The following ZFAT variants were observed in gnomAD, a reference collection of about 807,000 sequenced individuals.
The protein encoded by ZFAT is zinc finger and AT-hook domain containing, also known as zinc finger protein ZFAT.
In ZFAT, 64 loss-of-function variants were observed where a neutral mutation model predicts 117.7. The ratio of observed to expected loss-of-function variants is 0.54; its 90% CI spans 0.44 to 0.67. The LOEUF (loss-of-function observed/expected upper bound fraction) is 0.67, where lower values mean the gene tolerates loss of function less well. Among genes scored for constraint, ZFAT ranks in the 30% least tolerant of loss-of-function variants. The pLI is 0.00. For synonymous variants in ZFAT, 679 were observed against 615.0 expected (o/e 1.10, Z -1.54); for missense variants, 1,433 against 1,584.5 (o/e 0.90, Z 1.62).
intron 12 of ZFAT, among the ~76,000 whole-genome samples, chr8:134,525,175 T>G (rs1820935065): frequency 6.6e-6 from 1 of 152,196 alleles, no homozygotes; most frequent in Non-Finnish European, 1.5e-5. Context: ...CACCACTCAC[T>G]CCTGGTTCTT....
At chr8:134,826,464 A>C in the ZFAT span, among the ~76,000 whole-genome samples, 1 of 152,246 alleles carries the variant, frequency 6.6e-6, no homozygotes, top group African/African-American at 2.4e-5. Flanking sequence ...AAAACAATCA[A>C]AACAATACCA....
intron 3 of ZFAT, among the ~76,000 whole-genome samples, chr8:134,636,369 G>A (rs367605642): frequency 7.2e-5 from 11 of 152,130 alleles, no homozygotes; most frequent in Admixed American, 2.6e-4. Context: ...GGTTATGAAC[G>A]GCTCACTGTA....
the ZFAT span, chr8:134,797,730 C>T: frequency 1.3e-5 from 2 of 151,420 alleles, no homozygotes; most frequent in Non-Finnish European, 3.0e-5. Flanking sequence ...AAAGTTAAGG[C>T]TAATATTAAA....
At chr8:134,635,637 C>CAGGGAGAG (rs1471392101) in intron 3 of ZFAT, among the ~76,000 whole-genome samples, 2 of 103,334 alleles carry the variant, frequency 1.9e-5, no homozygotes, top group African/African-American at 7.6e-5. Context: ...GAGAGAGAGT[C>CAGGGAGAG]AGGGAGAGAG....
chr8:134,482,461 G>A (rs551476445), intron 15 of ZFAT, among the ~76,000 whole-genome samples: 9 of 152,332 alleles, frequency 5.9e-5, no homozygotes, highest in South Asian at 2.1e-4. Flanking sequence ...AAGGCCCTGC[G>A]TCATCCAATC....
the ZFAT span, among the ~76,000 whole-genome samples, chr8:134,827,324 C>A: frequency 6.6e-6 from 1 of 152,034 alleles, no homozygotes; most frequent in Non-Finnish European, 1.5e-5. Context: ...GGATTACAAG[C>A]ATGAGCCACC....
At chr8:134,537,225 G>GGTTTAGAGACTTGCCATAGTTTCACA in intron 11 of ZFAT, among the ~76,000 whole-genome samples, 1 of 152,224 alleles carries the variant, frequency 6.6e-6, no homozygotes, top group Admixed American at 6.5e-5. Context: ...GACACAGAAT[G>GGTTTAGAGACTTGCCATAGTTTCACA]GTTTAGAGAC....
chr8:134,608,826 T>C lies in ZFAT; in HGVS notation c.688A>G (p.Asn230Asp), dbSNP rs747449389. 1.2e-6 allele frequency: 2 copies of C among 1,609,874 alleles called. No homozygotes were observed. Among genetic ancestry groups the C allele is most frequent in the Non-Finnish European group, 1.7e-6 (2 of 1,178,382 alleles). Residue 230 changes from asparagine (N) to aspartate (D), a missense_variant, in exon 5 of 16, where the codon AAT becomes GAT. Around this residue, in one of 5 missense-constraint regions of ZFAT, gnomAD observed 436 missense variants for 482.0 expected, o/e 0.90. Coordinates refer to ENST00000377838, the MANE Select transcript of ZFAT (RefSeq NM_020863.4). ...AGGTCTGCTGAAGTGGTCTCAGAAT[T>C]TGTAGCTCCTGTTTCAGGGGGCCCA... ...EAGPPETGAT[N>D]SETTSADLVP...
intron 1 of ZFAT, among the ~76,000 whole-genome samples, chr8:134,701,683 C>A (rs904147095): frequency 4.6e-5 from 7 of 152,190 alleles, no homozygotes; most frequent in African/African-American, 1.7e-4. Context: ...TCTTTTGTGT[C>A]TGGCTTCTTT....
At chr8:134,586,543 G>C (rs572650323) in intron 9 of ZFAT, among the ~76,000 whole-genome samples, 93 of 152,330 alleles carry the variant, frequency 6.1e-4, no homozygotes, top group African/African-American at 2.1e-3. Flanking sequence ...ATAAGCCCAT[G>C]GTCTCCAGCC....
chr8:134,778,341 G>A, the ZFAT span, among the ~76,000 whole-genome samples: 1 of 152,274 alleles, frequency 6.6e-6, no homozygotes, highest in Non-Finnish European at 1.5e-5. Context: ...CTGCATTCTG[G>A]GAAGTATGTC....
chr8:134,832,068 C>A, the ZFAT span, among the ~76,000 whole-genome samples: 1 of 146,314 alleles, frequency 6.8e-6, no homozygotes, highest in Non-Finnish European at 1.5e-5. Flanking sequence ...CGCCCCGAGC[C>A]CGAGGCGCGC....
chr8:134,666,518 T>C (rs1387889253), intron 1 of ZFAT, among the ~76,000 whole-genome samples: 1 of 152,172 alleles, frequency 6.6e-6, no homozygotes, highest in Non-Finnish European at 1.5e-5. Context: ...TGGCAAGGGC[T>C]TAAAGTAACC....
the ZFAT span, chr8:134,765,089 T>C: frequency 3.9e-5 from 6 of 152,236 alleles, no homozygotes; most frequent in African/African-American, 1.2e-4. Flanking sequence ...CTAGGTAGGA[T>C]GTATACAGCT....
At chr8:134,509,877 G>T (rs866933591) in intron 14 of ZFAT, 128 bp from the exon 15 acceptor site, 1 of 1,207,826 alleles carries the variant, frequency 8.3e-7, no homozygotes, top group Admixed American at 2.3e-5. Flanking sequence ...CTCCGTAATC[G>T]CTCAGTTTGA....
intron 1 of ZFAT, among the ~76,000 whole-genome samples, chr8:134,664,679 G>A (rs1397805414): frequency 6.6e-6 from 1 of 152,194 alleles, no homozygotes; most frequent in Non-Finnish European, 1.5e-5. Flanking sequence ...CAAATATTAA[G>A]AATTGTTAAT....
the ZFAT span, among the ~76,000 whole-genome samples, chr8:134,756,877 G>A: frequency 6.6e-6 from 1 of 152,206 alleles, no homozygotes; most frequent in Non-Finnish European, 1.5e-5. Context: ...ACAGAATCCA[G>A]CAGATGTGAA....
At chr8:134,497,365 C>T (rs1202565042) in intron 15 of ZFAT, among the ~76,000 whole-genome samples, 2 of 152,230 alleles carry the variant, frequency 1.3e-5, no homozygotes, top group Non-Finnish European at 2.9e-5. Context: ...CAGCTGAGAA[C>T]AGGCTTCTAA....
At chr8:134,721,434 G>A in the ZFAT span, among the ~76,000 whole-genome samples, 3 of 152,252 alleles carry the variant, frequency 2.0e-5, no homozygotes, top group South Asian at 4.2e-4. Context: ...CTTTCAAACC[G>A]AGGAGCTCAC....
Sources: allele counts gnomAD v4.1 joint callset (sites outside exome capture counted in the v4.1 genomes callset), GRCh38; gene constraint gnomAD v4.1.1; regional missense constraint gnomAD v4.1.1; transcripts MANE v1.5; gene names NCBI Gene and HGNC (gene_info 2026-07-23, HGNC 2026-07-21).